Variants in PCDHB12 observed in about 807,000 individuals in gnomAD.
PCDHB12 encodes the protein protocadherin beta-12.
For synonymous variants in PCDHB12, 560 were observed against 445.2 expected, an observed-to-expected ratio of 1.26 and a Z score of -3.24; for missense variants, 1,192 against 998.2, an observed-to-expected ratio of 1.19 and a Z score of -2.62.
Position 141,209,790 on chromosome 5 carries a change from A to G in PCDHB12, c.883A>G (p.Asn295Asp). 2 of 1,614,236 alleles carry G rather than the reference A, an allele frequency of 1.2e-6. No individual in the cohort carries two copies. The highest frequency in any genetic ancestry group is 1.7e-6 in the Non-Finnish European group (2 of 1,180,048). Residue 295 changes from asparagine (N) to aspartate (D), a missense_variant, in exon 1 of 1, where the codon AAT becomes GAT. By Grantham distance (23) the Asn-to-Asp change is conservative. Coordinates refer to ENST00000239450, the MANE Select transcript of PCDHB12 (RefSeq NM_018932.4). ...AGATATTCGCAAGACATTTGAAATT[A>G]ATCAAAAGTCTGGTGACATTACTTT... The part of the protein sequence containing the change: ...SEDIRKTFEI[N>D]QKSGDITLTA...
At position 141,209,217 on chromosome 5, in the gene PCDHB12, C is replaced by T. The variant is rs1554286618; in HGVS notation, c.310C>T (p.Leu104=). The change falls in exon 1 of 1, where the codon CTG becomes TTG. Residue 104 remains leucine, a synonymous_variant. Transcript: ENST00000239450. Reference sequence around the variant, plus strand: ...CTGTGGCTCCAATGAGCCTTGTGTGCTGTATTTCCAAGTGTTAATGAAAAA... The same window carrying T: ...CTGTGGCTCCAATGAGCCTTGTGTGTTGTATTTCCAAGTGTTAATGAAAAA... The part of the protein sequence containing the change: ...ELCGSNEPCV[L]YFQVLMKNPT... The T allele has an allele frequency of 1.2e-6, 2 of 1,614,116 alleles. No homozygotes were observed. Among genetic ancestry groups the T allele is most frequent in the East Asian group, 2.2e-5 (1 of 44,866 alleles).
chr5:141,209,598 G>C lies in PCDHB12; in HGVS notation c.691G>C (p.Val231Leu). The C allele has an allele frequency of 6.2e-7, 1 of 1,614,060 alleles. No individual in the cohort carries two copies. The highest frequency in any genetic ancestry group is 2.2e-5 in the East Asian group (1 of 44,888). ...PRSGTALVRV[V>L]VVDINDNSPE... is the part of the protein sequence containing the mutation. The stretch of plus-strand genomic sequence containing the variant: ...GTCTGGAACTGCCTTGGTCAGGGTG[G>C]TGGTTGTAGATATTAATGACAACTC... Residue 231 changes from valine (V) to leucine (L), a missense_variant, in exon 1 of 1, where the codon GTG becomes CTG. Val to Leu is a conservative substitution (Grantham distance 32, BLOSUM62 1). Coordinates refer to ENST00000239450, the MANE Select transcript of PCDHB12 (RefSeq NM_018932.4).
At position 141,210,111 on chromosome 5, in the gene PCDHB12, A is replaced by T. The variant is rs1554286808; in HGVS notation, c.1204A>T (p.Thr402Ser). The stretch of plus-strand genomic sequence containing the variant: ...AAAATCTTCGGTAAATAATTACTAC[A>T]CTTTGGAAACAGAGAGACCGCTGGA... The part of the protein sequence containing the change: ...VLKSSVNNYY[T>S]LETERPLDRE... Residue 402 changes from threonine (T) to serine (S), a missense_variant, in exon 1 of 1, where the codon ACT (threonine) becomes TCT (serine). Coordinates refer to ENST00000239450, the MANE Select transcript of PCDHB12 (RefSeq NM_018932.4). The T allele has an allele frequency of 1.9e-6, 3 of 1,614,112 alleles. No individual in the cohort carries two copies. In the East Asian group the frequency reaches 6.7e-5, roughly 36 times the overall value.
rs371515374 is a variant in PCDHB12 at position 141,209,937 on chromosome 5, G to T, written c.1030G>T (p.Ala344Ser). Residue 344 changes from alanine to serine, a missense_variant, in exon 1 of 1, where the codon GCT (alanine) becomes TCT (serine). Physicochemically the swap from Ala to Ser is moderately conservative, Grantham distance 99 (BLOSUM62 1). Coordinates refer to ENST00000239450, the MANE Select transcript of PCDHB12 (RefSeq NM_018932.4). The part of the protein sequence containing the change: ...RIQVMDVNDN[A>S]PEITVSSITS... The stretch of plus-strand genomic sequence containing the variant: ...TCAGGTGATGGATGTAAACGACAAC[G>T]CTCCTGAAATCACTGTGTCATCAAT... 7 of 1,614,004 alleles carry T rather than the reference G, an allele frequency of 4.3e-6. No individual in the cohort carries two copies. The African/African-American group carries it at 9.3e-5, about 22-fold the overall frequency.
chr5:141,211,574 G>T lies in PCDHB12; in HGVS notation c.*279G>T. On this transcript the variant is annotated 3_prime_UTR_variant, in exon 1 of 1. Transcript: ENST00000239450. Reference sequence around the variant, plus strand: ...GAGATATTTTAAATTGCTTTCCATTGTTTTCAATATTTACTGTGACTTTTG... The same window carrying T: ...GAGATATTTTAAATTGCTTTCCATTTTTTTCAATATTTACTGTGACTTTTG... The T allele has an allele frequency of 2.2e-6, 1 of 449,140 alleles. No homozygotes were observed. The highest frequency in any genetic ancestry group is 4.1e-6 in the Non-Finnish European group (1 of 243,024). The allele number at this position is 449,140 out of a possible 1,614,324, so 27.8% of individuals were successfully genotyped here.
Position 141,209,762 on chromosome 5 carries a change from A to G in PCDHB12, c.855A>G (p.Ser285=), listed in dbSNP as rs149716951. Residue 285 remains serine, a synonymous_variant, in exon 1 of 1, where the codon TCA becomes TCG. Coordinates refer to ENST00000239450, the MANE Select transcript of PCDHB12 (RefSeq NM_018932.4). ...SELSYTFSHA[S]EDIRKTFEIN... ...TATCCTATACCTTTTCCCATGCCTC[A>G]GAAGATATTCGCAAGACATTTGAAA... is the stretch of plus-strand genomic sequence containing the variant. 7.9e-4 allele frequency: 1,277 copies of G among 1,614,232 alleles called. 6 individuals are homozygous for G. The African/African-American group carries it at 0.016, about 20-fold the overall frequency.
chr5:141,209,220 T>C lies in PCDHB12; in HGVS notation c.313T>C (p.Tyr105His). Residue 105 changes from tyrosine (Y) to histidine (H), a missense_variant, in exon 1 of 1, where the codon TAT becomes CAT. Physicochemically the swap from Tyr to His is moderately conservative, Grantham distance 83. Coordinates refer to ENST00000239450, the MANE Select transcript of PCDHB12 (RefSeq NM_018932.4). Reference protein sequence around the residue: ...LCGSNEPCVLYFQVLMKNPTQ... With the variant: ...LCGSNEPCVLHFQVLMKNPTQ... ...TGGCTCCAATGAGCCTTGTGTGCTGTATTTCCAAGTGTTAATGAAAAACCC... is the reference window on the plus strand; with the variant it reads ...TGGCTCCAATGAGCCTTGTGTGCTGCATTTCCAAGTGTTAATGAAAAACCC... The C allele has an allele frequency of 6.2e-7, 1 of 1,614,170 alleles. No individual in the cohort carries two copies. The highest frequency in any genetic ancestry group is 8.5e-7 in the Non-Finnish European group (1 of 1,180,036).
Position 141,209,090 on chromosome 5 carries a change from G to T in PCDHB12, c.183G>T (p.Ser61=). Residue 61 remains serine, a synonymous_variant, in exon 1 of 1, where the codon TCG becomes TCT. Coordinates refer to ENST00000239450, the MANE Select transcript of PCDHB12 (RefSeq NM_018932.4). Reference sequence around the variant, plus strand: ...GACTCGAGGTGAGTGAGCTGTCTTCGCGGGGGGCTCGGGTGGTTTCTAATG... The same window carrying T: ...GACTCGAGGTGAGTGAGCTGTCTTCTCGGGGGGCTCGGGTGGTTTCTAATG... ...TLGLEVSELS[S]RGARVVSNDN... is the part of the protein sequence containing the mutation. 6.2e-7 allele frequency: 1 copy of T among 1,613,440 alleles called. No individual in the cohort carries two copies. Among genetic ancestry groups the T allele is most frequent in the South Asian group, 1.1e-5 (1 of 91,042 alleles).
In PCDHB12 at chr5:141,210,729, A is replaced by C; in HGVS notation, c.1822A>C (p.Lys608Gln). 1 of 1,607,390 alleles carries C rather than the reference A, an allele frequency of 6.2e-7. No individual in the cohort carries two copies. The change falls in exon 1 of 1, where the codon AAG (lysine) becomes CAG (glutamine). Residue 608 changes from lysine to glutamine, a missense_variant. Lys to Gln is a moderately conservative substitution (Grantham distance 53). Coordinates refer to ENST00000239450, the MANE Select transcript of PCDHB12 (RefSeq NM_018932.4). ...QNAWLSYQLLKATEPGLFGVW... is the reference protein window; with the variant it reads ...QNAWLSYQLLQATEPGLFGVW... ...CGCCTGGCTGTCGTACCAGCTGCTCAAGGCCACGGAGCCCGGGCTATTCGG... is the reference window on the plus strand; with the variant it reads ...CGCCTGGCTGTCGTACCAGCTGCTCCAGGCCACGGAGCCCGGGCTATTCGG...
At position 141,208,806 on chromosome 5, in the gene PCDHB12, T is replaced by C; in HGVS notation, c.-102T>C. The C allele has an allele frequency of 9.6e-7, 1 of 1,042,492 alleles. No homozygotes were observed. Among genetic ancestry groups the C allele is most frequent in the East Asian group, 2.5e-5 (1 of 40,234 alleles). 64.6% of individuals were successfully genotyped at this position (1,042,492 alleles called of 1,614,324 possible). On this transcript the variant is annotated 5_prime_UTR_variant, in exon 1 of 1. Transcript: ENST00000239450. ...TTCAACAAGGTTAAAATCTTCAGGC[T>C]TCCGAGGATTTGGTAGACAGATCAG... is the stretch of plus-strand genomic sequence containing the variant.
At position 141,210,974 on chromosome 5, in the gene PCDHB12, C is replaced by T; in HGVS notation, c.2067C>T (p.Tyr689=). 1 of 1,612,018 alleles carries T rather than the reference C, an allele frequency of 6.2e-7. No individual in the cohort carries two copies. Among genetic ancestry groups the T allele is most frequent in the Non-Finnish European group, 8.5e-7 (1 of 1,179,818 alleles). The change falls in exon 1 of 1, where the codon TAC becomes TAT. Residue 689 remains tyrosine (Y), a synonymous_variant. Transcript: ENST00000239450. The part of the protein sequence containing the change: ...AQAQADSLTV[Y]LVVALASVSS... ...CCCAGGCCGACTCGCTCACTGTCTACCTGGTGGTGGCGTTGGCCTCAGTGT... is the reference window on the plus strand; with the variant it reads ...CCCAGGCCGACTCGCTCACTGTCTATCTGGTGGTGGCGTTGGCCTCAGTGT...
Position 141,210,975 on chromosome 5 carries a change from C to G in PCDHB12, c.2068C>G (p.Leu690Val). Residue 690 changes from leucine to valine, a missense_variant, in exon 1 of 1, where the codon CTG becomes GTG. Transcript: ENST00000239450. ...QAQADSLTVY[L>V]VVALASVSSL... ...CCAGGCCGACTCGCTCACTGTCTAC[C>G]TGGTGGTGGCGTTGGCCTCAGTGTC... 2 of 1,612,004 alleles carry G rather than the reference C, an allele frequency of 1.2e-6. No individual in the cohort carries two copies. Among genetic ancestry groups the G allele is most frequent in the Non-Finnish European group, 1.7e-6 (2 of 1,179,824 alleles).
rs141554375 is a variant in PCDHB12, at chr5:141,210,453, C to G, written c.1546C>G (p.Leu516Val). Residue 516 changes from leucine to valine, a missense_variant, in exon 1 of 1, where the codon CTC (leucine) becomes GTC (valine). Physicochemically the swap from Leu to Val is conservative, Grantham distance 32 (BLOSUM62 1). Coordinates refer to ENST00000239450, the MANE Select transcript of PCDHB12 (RefSeq NM_018932.4). ...INADNGHLFA[L>V]RSLDYEALQG... The stretch of plus-strand genomic sequence containing the variant: ...CGCGGACAACGGCCACCTGTTTGCC[C>G]TCAGGTCGCTGGACTACGAGGCCCT... 1 of 1,612,884 alleles carries G rather than the reference C, an allele frequency of 6.2e-7. No homozygotes were observed. Among genetic ancestry groups the G allele is most frequent in the Admixed American group, 1.7e-5 (1 of 60,010 alleles).
In PCDHB12 at chr5:141,210,374, G is replaced by A. The variant is rs782527266; in HGVS notation, c.1467G>A (p.Ser489=). The A allele has an allele frequency of 1.9e-6, 3 of 1,612,978 alleles. No individual in the cohort carries two copies. Among genetic ancestry groups the A allele is most frequent in the South Asian group, 1.1e-5 (1 of 91,028 alleles). ...GCACCAACGCCCAGGTCAACTACTC[G>A]CTGCTGCCGTCCCAGGACCCGCACC... ...DSGTNAQVNY[S]LLPSQDPHLP... Residue 489 remains serine, a synonymous_variant, in exon 1 of 1, where the codon TCG becomes TCA. Transcript: ENST00000239450.
In PCDHB12 at chr5:141,210,365, C is replaced by A; in HGVS notation, c.1458C>A (p.Val486=). The change falls in exon 1 of 1, where the codon GTC becomes GTA. Residue 486 remains valine (V), a synonymous_variant. Transcript: ENST00000239450. ...GAGACTCGGGCACCAACGCCCAGGT[C>A]AACTACTCGCTGCTGCCGTCCCAGG... ...TDRDSGTNAQ[V]NYSLLPSQDP... 3 of 1,613,014 alleles carry A rather than the reference C, an allele frequency of 1.9e-6. No homozygotes were observed. The highest frequency in any genetic ancestry group is 2.5e-6 in the Non-Finnish European group (3 of 1,180,044).
At position 141,210,041 on chromosome 5, in the gene PCDHB12, C is replaced by G. The variant is rs138372421; in HGVS notation, c.1134C>G (p.Asn378Lys). The G allele has an allele frequency of 1.2e-6, 2 of 1,614,154 alleles. No individual in the cohort carries two copies. Among genetic ancestry groups the G allele is most frequent in the Non-Finnish European group, 1.7e-6 (2 of 1,180,040 alleles). ...TACGAGACAGAGACTCTGGGGACAA[C>G]GGAAAGATGGTTTGTTCTATCCCGG... ...FRIRDRDSGD[N>K]GKMVCSIPED... The change falls in exon 1 of 1, where the codon AAC becomes AAG. Residue 378 changes from asparagine (N) to lysine (K), a missense_variant. Physicochemically the swap from Asn to Lys is moderately conservative, Grantham distance 94. Transcript: ENST00000239450.
In PCDHB12 at chr5:141,211,292, C is replaced by G; in HGVS notation, c.2385C>G (p.Phe795Leu). Residue 795 changes from phenylalanine to leucine, a missense_variant, in exon 1 of 1, where the codon TTC becomes TTG. By Grantham distance (22) the Phe-to-Leu change is conservative. Transcript: ENST00000239450. ...ENPPFQNNLG[F>L] ...CCCCATTTCAGAATAATTTGGGTTT[C>G]TGATAAAGAATGAAAAATAAAACCT... 6.3e-7 allele frequency: 1 copy of G among 1,579,212 alleles called. No individual in the cohort carries two copies. The highest frequency in any genetic ancestry group is 8.6e-7 in the Non-Finnish European group (1 of 1,166,952).
rs138741761 is a variant in PCDHB12, at chr5:141,211,142, G to T, written c.2235G>T (p.Leu745=). 5.6e-6 allele frequency: 9 copies of T among 1,614,066 alleles called. 1 individual carries two copies. Among genetic ancestry groups the T allele is most frequent in the South Asian group, 1.1e-5 (1 of 91,084 alleles). ...HLVDVSGTGT[L]SQSYHYEVCV... ...TGGACGTGAGTGGCACCGGGACCCTGTCCCAGAGCTACCACTATGAGGTGT... is the reference window on the plus strand; with the variant it reads ...TGGACGTGAGTGGCACCGGGACCCTTTCCCAGAGCTACCACTATGAGGTGT... Residue 745 remains leucine (L), a synonymous_variant, in exon 1 of 1, where the codon CTG becomes CTT. Transcript: ENST00000239450.
rs1554287201 is a variant in PCDHB12, at chr5:141,211,310, T to C, written c.*15T>C. The C allele has an allele frequency of 6.4e-7, 1 of 1,570,064 alleles. No homozygotes were observed. Among genetic ancestry groups the C allele is most frequent in the East Asian group, 2.2e-5 (1 of 44,710 alleles). ...TGGGTTTCTGATAAAGAATGAAAAA[T>C]AAAACCTGTGTTTATGAATACATTT... On this transcript the variant is annotated 3_prime_UTR_variant, in exon 1 of 1. Coordinates refer to ENST00000239450, the MANE Select transcript of PCDHB12 (RefSeq NM_018932.4).
Sources: allele counts gnomAD v4.1 joint callset, GRCh38; gene constraint gnomAD v4.1.1; transcripts MANE v1.5; gene names NCBI Gene and HGNC (gene_info 2026-07-23, HGNC 2026-07-21).